The following SEPTIN6 variants were observed in gnomAD, a reference collection of about 807,000 sequenced individuals.
SEPTIN6 encodes septin-6.
SEPTIN6 carries 8 observed loss-of-function variants against 33.6 expected under a neutral mutation model. The ratio of observed to expected loss-of-function variants is 0.24; its 90% confidence interval spans 0.14 to 0.43. SEPTIN6 has a LOEUF of 0.43. SEPTIN6 is among the 20% of genes least tolerant of loss of function. The pLI, the probability that SEPTIN6 is intolerant of heterozygous loss-of-function variation, is 1.00. For missense variants in SEPTIN6, 250 were observed against 340.8 expected (o/e 0.73, Z 2.10); for synonymous variants, 131 against 140.0 (o/e 0.94, Z 0.45).
intron 5 of SEPTIN6, among the ~76,000 whole-genome samples, chrX:119,647,339 C>A (rs1420235754): frequency 9.3e-6 from 1 of 107,560 alleles, no homozygotes; most frequent in Non-Finnish European, 1.9e-5. Context: ...CCTCTCCTCC[C>A]CTCCCCTCCC....
chrX:119,627,611 C>G (rs1253080341), intron 9 of SEPTIN6, among the ~76,000 whole-genome samples: 2 of 109,709 alleles, frequency 1.8e-5, no homozygotes, highest in South Asian at 3.9e-4. Flanking sequence ...TGAGCTGCAG[C>G]CTTCACTGGC....
chrX:119,688,434 C>T (rs1274953166), intron 1 of SEPTIN6, among the ~76,000 whole-genome samples: 1 of 111,384 alleles, frequency 9.0e-6, no homozygotes, highest in East Asian at 2.8e-4. Flanking sequence ...CCAGGCCGGG[C>T]GCTGTGGCTC....
intron 5 of SEPTIN6, among the ~76,000 whole-genome samples, chrX:119,645,327 G>A (rs1370707138): frequency 1.1e-4 from 11 of 97,485 alleles, no homozygotes; most frequent in South Asian, 5.2e-4. Context: ...CAACCTCCGC[G>A]TCCCGGGTTC....
intron 1 of SEPTIN6, among the ~76,000 whole-genome samples, chrX:119,683,931 T>C (rs950739624): frequency 4.0e-4 from 42 of 105,544 alleles, no homozygotes; most frequent in Non-Finnish European, 6.7e-4. Flanking sequence ...AGTCTCCTTA[T>C]TATAACTTCT....
At chrX:119,625,256 C>T (rs1384352704) in intron 10 of SEPTIN6, 79 bp downstream of exon 10, 17 of 657,807 alleles carry the variant, frequency 2.6e-5, no homozygotes, top group Non-Finnish European at 4.2e-5. Flanking sequence ...CGATTAGATG[C>T]TTGTGTTGGG....
intron 10 of SEPTIN6, 24 bp from the exon 11 acceptor site, chrX:119,620,075 G>T: frequency 9.2e-7 from 1 of 1,089,150 alleles, no homozygotes; most frequent in Non-Finnish European, 1.3e-6. Context: ...GAGAAGCTGA[G>T]TTAATGAATG....
intron 1 of SEPTIN6, among the ~76,000 whole-genome samples, chrX:119,687,774 C>T (rs1192297274): frequency 8.9e-6 from 1 of 112,111 alleles, no homozygotes; most frequent in Admixed American, 9.5e-5. Context: ...AAGGCAGTGG[C>T]CATGCTTGGT....
intron 3 of SEPTIN6, 138 bp downstream of exon 3, chrX:119,663,344 C>G (rs2054578471): frequency 2.0e-6 from 1 of 493,733 alleles, no homozygotes; most frequent in Non-Finnish European, 3.4e-6. Flanking sequence ...TTGGGAGGTA[C>G]CTGCTGCTGC....
intron 5 of SEPTIN6, among the ~76,000 whole-genome samples, chrX:119,642,027 G>C (rs192169280): frequency 1.8e-5 from 2 of 110,648 alleles, no homozygotes; most frequent in East Asian, 2.8e-4. Context: ...CACAGACCCT[G>C]GCCCCGGAGA....
chrX:119,666,078 T>A (rs1349713148), intron 2 of SEPTIN6, among the ~76,000 whole-genome samples: 2 of 90,113 alleles, frequency 2.2e-5, no homozygotes, highest in African/African-American at 4.3e-5. Flanking sequence ...TGAGACTCCA[T>A]CTCAAAAAAA....
chrX:119,680,393 G>C (rs1452183071), intron 1 of SEPTIN6, among the ~76,000 whole-genome samples: 3 of 107,968 alleles, frequency 2.8e-5, no homozygotes, highest in Non-Finnish European at 3.8e-5. Context: ...ATTTTTAGTA[G>C]AGACGGGGTT....
At chrX:119,630,790 G>T (rs1363223241) in intron 8 of SEPTIN6, among the ~76,000 whole-genome samples, 2 of 110,688 alleles carry the variant, frequency 1.8e-5, no homozygotes, top group Non-Finnish European at 3.8e-5. Context: ...CTACTTGGGA[G>T]GCTGAGACAG....
At chrX:119,645,418 A>T (rs1300756868) in intron 5 of SEPTIN6, among the ~76,000 whole-genome samples, 1 of 98,976 alleles carries the variant, frequency 1.0e-5, no homozygotes, top group African/African-American at 3.8e-5. Flanking sequence ...TTTTTTTGAG[A>T]TGGAGTTTTG....
At chrX:119,645,017 C>G (rs2054225297) in intron 5 of SEPTIN6, among the ~76,000 whole-genome samples, 1 of 104,200 alleles carries the variant, frequency 9.6e-6, no homozygotes, top group Non-Finnish European at 2.0e-5. Context: ...AAGCGATTAT[C>G]TTGCCTCAGC....
At chrX:119,686,217 T>C (rs1243234551) in intron 1 of SEPTIN6, among the ~76,000 whole-genome samples, 1 of 111,955 alleles carries the variant, frequency 8.9e-6, no homozygotes, top group East Asian at 2.8e-4. Context: ...CTCCATCTGG[T>C]CTTGTTTAAT....
intron 7 of SEPTIN6, chrX:119,635,189 C>T: frequency 3.1e-6 from 1 of 327,850 alleles, no homozygotes; most frequent in Non-Finnish European, 6.0e-6. Context: ...TGAATGGCAA[C>T]AGGGAATGTT....
At chrX:119,675,456 A>G (rs866709330) in intron 2 of SEPTIN6, 98 bp downstream of exon 2, 1 of 422,763 alleles carries the variant, frequency 2.4e-6, no homozygotes. Flanking sequence ...CAACTAAATC[A>G]GAATGACACA....
chrX:119,686,636 C>G (rs1449642470), intron 1 of SEPTIN6: 1 of 961,784 alleles, frequency 1.0e-6, no homozygotes, highest in Non-Finnish European at 1.3e-6. Flanking sequence ...CAGCAGAAGC[C>G]TCCTCCTGCC....
intron 1 of SEPTIN6, among the ~76,000 whole-genome samples, chrX:119,676,803 G>C (rs2054850090): frequency 9.0e-6 from 1 of 111,652 alleles, no homozygotes; most frequent in Non-Finnish European, 1.9e-5. Flanking sequence ...TCTCTCTAGA[G>C]CATTTTGAGG....
Sources: gnomAD v4.1 joint callset for allele counts (sites outside exome capture counted in the v4.1 genomes callset) on GRCh38, gnomAD v4.1.1 for gene constraint, MANE v1.5 for transcripts, NCBI Gene and HGNC (gene_info 2026-07-23, HGNC 2026-07-21) for gene names.